The following AFF4 variants were observed in gnomAD, a reference collection of about 807,000 sequenced individuals.
The protein encoded by AFF4 is ALF transcription elongation factor 4.
In AFF4, 13 loss-of-function variants were observed where a neutral mutation model predicts 124.8. The ratio of observed to expected loss-of-function variants is 0.10; its 90% CI spans 0.07 to 0.17. AFF4 has a LOEUF of 0.17. Among genes scored for constraint, AFF4 ranks in the 10% least tolerant of loss-of-function variants. The pLI, the probability that AFF4 is intolerant of heterozygous loss-of-function variation, is 1.00. For synonymous variants in AFF4, 477 were observed against 496.1 expected (o/e 0.96, Z 0.51); for missense variants, 1,092 against 1,403.8 (o/e 0.78, Z 3.55).
rs146756846 is a variant in AFF4, at chr5:132,962,434, G to A, written c.-5+825C>T. The stretch of plus-strand genomic sequence containing the variant: ...GACAAAACTACGAGAACCCTAAATC[G>A]AACTCTTCGCCTTGAACTCCATATA... On this transcript the variant is annotated intron_variant, in intron 1 of 20. Transcript: ENST00000265343. Among the ~76,000 whole-genome samples the A allele has an allele frequency of 3.9e-5, 6 of 152,176 alleles. No homozygotes were observed. The East Asian group carries it at 7.7e-4, about 20-fold the overall frequency.
At chr5:132,916,101 GGT>G (rs1338426907) in intron 5 of AFF4, among the ~76,000 whole-genome samples, 3 of 151,726 alleles carry the variant, frequency 2.0e-5, no homozygotes, top group Non-Finnish European at 4.4e-5. Flanking sequence ...ATCTGGGTGT[GGT>G]GGCGGGCACC....
In AFF4 at chr5:132,875,575, G is replaced by A. The variant is rs529811154; in HGVS notation, c.*5484C>T. The A allele has an allele frequency of 1.7e-4, 32 of 191,836 alleles. No homozygotes were observed. Among genetic ancestry groups the A allele is most frequent in the African/African-American group, 6.3e-4 (27 of 43,120 alleles). 11.9% of individuals were successfully genotyped at this position (191,836 alleles called of 1,614,324 possible). A position where few individuals can be genotyped will look rare whatever the true frequency, so the allele number is the denominator to read the frequency against. ...ATTTGTTTAAAAATACACATTAAAC[G>A]CATGTTTGACACTCTAAACTTTCTA... On this transcript the variant is annotated 3_prime_UTR_variant, in exon 21 of 21. Transcript: ENST00000265343.
chr5:132,962,536 A>C (rs781192433), intron 1 of AFF4, among the ~76,000 whole-genome samples: 45 of 152,194 alleles, frequency 3.0e-4, no homozygotes, highest in Non-Finnish European at 6.3e-4. Flanking sequence ...GGTTACTCCC[A>C]AAACTCCTGT....
At chr5:132,929,657 G>C (rs999785916) in intron 4 of AFF4, among the ~76,000 whole-genome samples, 1 of 152,160 alleles carries the variant, frequency 6.6e-6, no homozygotes, top group African/African-American at 2.4e-5. Flanking sequence ...AAAAGAGAAA[G>C]AATGTATGTG....
At chr5:132,926,922 TC>T in intron 5 of AFF4, 198 bp downstream of exon 5, 1 of 502,092 alleles carries the variant, frequency 2.0e-6, no homozygotes, top group South Asian at 2.3e-5. Context: ...TACCTCTTGA[TC>T]CAAGATGCTC....
At chr5:132,926,157 T>A in intron 5 of AFF4, 1 of 373,704 alleles carries the variant, frequency 2.7e-6, no homozygotes. Flanking sequence ...AATAAGAAAA[T>A]GCTTACATGT....
rs1422463251 is a variant in AFF4 at position 132,883,323 on chromosome 5, T to C, written c.3364+17A>G. 3 of 1,610,892 alleles carry C rather than the reference T, an allele frequency of 1.9e-6. No individual in the cohort carries two copies. The highest frequency in any genetic ancestry group is 2.7e-5 in the African/African-American group (2 of 74,992). ...TAACAATTCCATCCCTTGAAGTTTA[T>C]CCAGAAACCTACCTACCTTTTTGCT... On this transcript the variant is annotated intron_variant, in intron 20 of 20. Coordinates refer to ENST00000265343, the MANE Select transcript of AFF4 (RefSeq NM_014423.4).
intron 8 of AFF4, 67 bp from the exon 9 acceptor site, chr5:132,899,208 A>T (rs1561486260): frequency 1.4e-6 from 2 of 1,468,734 alleles, no homozygotes. Flanking sequence ...TAGTGTGAAT[A>T]ATATCTGAAC....
In AFF4 at chr5:132,896,866, G is replaced by A. The variant is rs1438424414; in HGVS notation, c.1764C>T (p.Thr588=). Residue 588 remains threonine, a synonymous_variant, in exon 11 of 21, where the codon ACC becomes ACT. Transcript: ENST00000265343. The part of the protein sequence containing the change: ...PRGGLKIESE[T]PVDLASSMPS... ...GCATGCTGCTAGCCAAGTCTACAGG[G>A]GTTTCACTTTCTATCTTCAGGCCTC... is the stretch of plus-strand genomic sequence containing the variant. 10 of 1,613,870 alleles carry A rather than the reference G, an allele frequency of 6.2e-6. No homozygotes were observed. The highest frequency in any genetic ancestry group is 8.5e-6 in the Non-Finnish European group (10 of 1,179,998).
Position 132,892,396 on chromosome 5 carries a change from T to C in AFF4, c.2405A>G (p.Lys802Arg). 1 of 1,609,906 alleles carries C rather than the reference T, an allele frequency of 6.2e-7. No homozygotes were observed. Among genetic ancestry groups the C allele is most frequent in the South Asian group, 1.1e-5 (1 of 91,022 alleles). ...ATCCTTTTCTTTTGCAGCACTCTGC[T>C]TAGATGACCTGCCAAACCAAACGAA... ...HKPSSNRESS[K>R]QSAAKEKDLL... The change falls in exon 13 of 21, where the codon AAG becomes AGG. Residue 802 changes from lysine to arginine, a missense_variant. Lys to Arg is a conservative substitution (Grantham distance 26, BLOSUM62 2). This residue lies in a region of AFF4 where 293 missense variants were observed against 280.2 expected (regional missense o/e 1.05). Transcript: ENST00000265343.
intron 2 of AFF4, among the ~76,000 whole-genome samples, chr5:132,935,483 G>A (rs1223169814): frequency 2.6e-5 from 4 of 151,332 alleles, no homozygotes; most frequent in Admixed American, 6.6e-5. Flanking sequence ...AACGTTAGCC[G>A]GGTGTGGCCA....
intron 16 of AFF4, 67 bp from the exon 17 acceptor site, chr5:132,887,659 G>T: frequency 6.5e-7 from 1 of 1,539,180 alleles, no homozygotes; most frequent in Non-Finnish European, 9.0e-7. Context: ...GATTTCACTT[G>T]TCCTCAAAAC....
intron 1 of AFF4, among the ~76,000 whole-genome samples, chr5:132,949,650 C>T (rs2150109618): frequency 6.6e-6 from 1 of 151,548 alleles, no homozygotes; most frequent in East Asian, 2.0e-4. Context: ...GAGATTGAGA[C>T]CATCCTGGCT....
chr5:132,950,239 G>A (rs1000274924), intron 1 of AFF4, among the ~76,000 whole-genome samples: 1 of 152,166 alleles, frequency 6.6e-6, no homozygotes, highest in African/African-American at 2.4e-5. Context: ...ACCTTGGGAG[G>A]CCGAGGCAGA....
chr5:132,957,154 A>C (rs1761982916), intron 1 of AFF4, among the ~76,000 whole-genome samples: 1 of 151,542 alleles, frequency 6.6e-6, no homozygotes, highest in African/African-American at 2.4e-5. Flanking sequence ...CAGCCCAGGC[A>C]ATACAGCAAG....
At chr5:132,899,837 T>C (rs1760504833) in intron 7 of AFF4, among the ~76,000 whole-genome samples, 196 bp from the exon 8 acceptor site, 2 of 152,234 alleles carry the variant, frequency 1.3e-5, no homozygotes, top group African/African-American at 4.8e-5. Flanking sequence ...AATTTAACCA[T>C]TCCTAAGCTC....
intron 11 of AFF4, among the ~76,000 whole-genome samples, chr5:132,894,436 T>C (rs1760338009): frequency 6.6e-6 from 1 of 152,238 alleles, no homozygotes; most frequent in Non-Finnish European, 1.5e-5. Context: ...ATGTTACTTT[T>C]CTAAGTGAAT....
At chr5:132,893,294 T>TATTTTAG (rs1048976230) in intron 11 of AFF4, among the ~76,000 whole-genome samples, 176 bp from the exon 12 acceptor site, 1 of 152,208 alleles carries the variant, frequency 6.6e-6, no homozygotes, top group African/African-American at 2.4e-5. Flanking sequence ...TGAGGTCGCC[T>TATTTTAG]ATTTTAGATA....
At chr5:132,886,125 A>T (rs1481243371) in intron 18 of AFF4, among the ~76,000 whole-genome samples, 185 bp downstream of exon 18, 34 of 152,214 alleles carry the variant, frequency 2.2e-4, no homozygotes, top group Admixed American at 2.2e-3. Flanking sequence ...TGGCTATAAG[A>T]GTTCTACAAT....
Sources: allele counts gnomAD v4.1 joint callset (sites outside exome capture counted in the v4.1 genomes callset), GRCh38; gene constraint gnomAD v4.1.1; regional missense constraint gnomAD v4.1.1; transcripts MANE v1.5; gene names NCBI Gene and HGNC (gene_info 2026-07-23, HGNC 2026-07-21).